The following TNRC18 variants were observed in gnomAD, a reference collection of about 807,000 sequenced individuals.
The protein encoded by TNRC18 is trinucleotide repeat containing 18.
A neutral mutation model predicts 226.7 loss-of-function variants in TNRC18; 69 were observed. That is an observed-to-expected ratio of 0.30 (90% CI 0.25 to 0.37). The LOEUF (loss-of-function observed/expected upper bound fraction) is 0.37. Among genes scored for constraint, TNRC18 ranks in the 10% least tolerant of loss-of-function variants. The probability of loss-of-function intolerance (pLI) is 1.00; values close to 1 mark genes in which losing one functional copy is unlikely to be tolerated. For synonymous variants in TNRC18, 2,449 were observed against 1,927.6 expected, an observed-to-expected ratio of 1.27 and a Z score of -7.09; for missense variants, 4,754 against 4,256.6, an observed-to-expected ratio of 1.12 and a Z score of -3.25.
At chr7:5,348,128 C>T (rs1791396538) in intron 17 of TNRC18, among the ~76,000 whole-genome samples, 1 of 152,174 alleles carries the variant, frequency 6.6e-6, no homozygotes, top group Admixed American at 6.5e-5. Context: ...AGACAGGAGG[C>T]TCCCTGCACA....
chr7:5,362,737 G>A lies in TNRC18; in HGVS notation c.4308C>T (p.Pro1436=), dbSNP rs370362251. ...GCAGGTTCTTGAGTGGGTCCACCAC[G>A]GGCCCATCCAGCACCTCCCTCAGCA... The part of the protein sequence containing the change: ...SHMLREVLDG[P]VVDPLKNLRL... Residue 1436 remains proline, a synonymous_variant, in exon 12 of 30, where the codon CCC becomes CCT. Coordinates refer to ENST00000430969, the MANE Select transcript of TNRC18 (RefSeq NM_001080495.3). 4.4e-5 allele frequency: 69 copies of A among 1,573,244 alleles called. 1 individual carries two copies. In the South Asian group the frequency reaches 4.8e-4, roughly 11 times the overall value.
At chr7:5,417,733 T>C (rs1322187750) in intron 2 of TNRC18, among the ~76,000 whole-genome samples, 3 of 152,170 alleles carry the variant, frequency 2.0e-5, no homozygotes, top group Non-Finnish European at 2.9e-5. Context: ...CCCCACCAAG[T>C]GGCCCTTCCA....
chr7:5,347,723 A>G (rs975398327), intron 17 of TNRC18, among the ~76,000 whole-genome samples: 5 of 151,584 alleles, frequency 3.3e-5, no homozygotes, highest in African/African-American at 9.7e-5. Flanking sequence ...TTGGGAGGCC[A>G]AGGCATGTGG....
intron 21 of TNRC18, among the ~76,000 whole-genome samples, chr7:5,323,261 C>T (rs886638596): frequency 2.6e-5 from 4 of 152,200 alleles, no homozygotes; most frequent in African/African-American, 4.8e-5. Flanking sequence ...CCAGCCTGGG[C>T]GTGACTTCCC....
At chr7:5,359,786 GAAGA>G (rs1792839832) in intron 14 of TNRC18, among the ~76,000 whole-genome samples, 1 of 152,082 alleles carries the variant, frequency 6.6e-6, no homozygotes, top group Admixed American at 6.6e-5. Context: ...GTGAAAGAAG[GAAGA>G]AAGCATTTTC....
intron 2 of TNRC18, among the ~76,000 whole-genome samples, chr7:5,399,846 G>A (rs937176211): frequency 2.0e-4 from 31 of 151,706 alleles, no homozygotes; most frequent in African/African-American, 7.0e-4. Flanking sequence ...CCAACATGGC[G>A]AAAACCACCC....
At chr7:5,311,037 T>C (rs34022406) in intron 27 of TNRC18, among the ~76,000 whole-genome samples, 2,334 of 152,368 alleles carry the variant, frequency 0.015, 30 homozygotes, top group South Asian at 0.025. Context: ...CGTGTGCAAG[T>C]GTGCATTTGT....
chr7:5,377,157 A>G lies in TNRC18; in HGVS notation c.2462-164T>C, dbSNP rs1251067552. 1.3e-5 allele frequency among the ~76,000 whole-genome samples: 2 copies of G among 152,180 alleles called. No homozygotes were observed. The highest frequency in any genetic ancestry group is 2.9e-5 in the Non-Finnish European group (2 of 68,018). On this transcript the variant is annotated intron_variant, in intron 7 of 29. Coordinates refer to ENST00000430969, the MANE Select transcript of TNRC18 (RefSeq NM_001080495.3). The surrounding 1 kb of genome is among the most constrained non-coding windows in gnomAD (Gnocchi z 5.8). ...TGGCTGGCTGCAAAGAGCACCCCAGAGCCACCCGCATTGGGCATCTGCCCC... is the reference window on the plus strand; with the variant it reads ...TGGCTGGCTGCAAAGAGCACCCCAGGGCCACCCGCATTGGGCATCTGCCCC...
At chr7:5,390,417 C>T in intron 4 of TNRC18, 68 bp downstream of exon 4, 1 of 1,551,268 alleles carries the variant, frequency 6.4e-7, no homozygotes, top group Non-Finnish European at 8.9e-7. Flanking sequence ...TACCTGGATG[C>T]TGCCAAAGGC....
At chr7:5,359,649 G>T in intron 14 of TNRC18, 80 bp from the exon 15 acceptor site, 2 of 1,571,434 alleles carry the variant, frequency 1.3e-6, no homozygotes, top group South Asian at 2.2e-5. Flanking sequence ...TGGCCCTGAA[G>T]GGTTGGGCTC....
At chr7:5,314,382 C>T (rs1583735615) in intron 26 of TNRC18, among the ~76,000 whole-genome samples, 1 of 152,026 alleles carries the variant, frequency 6.6e-6, no homozygotes, top group South Asian at 2.1e-4. Context: ...GTGTTGGCCC[C>T]AAAGCGGGTC....
At chr7:5,402,178 CAAAAAAAAAAAA>C (rs35794476) in intron 2 of TNRC18, among the ~76,000 whole-genome samples, 2 of 71,336 alleles carry the variant, frequency 2.8e-5, no homozygotes, top group Non-Finnish European at 5.1e-5. Flanking sequence ...GACTCTGTCT[CAAAAAAAAAAAA>C]AAAAAAAAAA....
At chr7:5,405,116 CA>C (rs61065130) in intron 2 of TNRC18, among the ~76,000 whole-genome samples, 66,409 of 144,786 alleles carry the variant, frequency 0.46, 15,640 homozygotes, top group African/African-American at 0.61. Context: ...GACTTCGTCT[CA>C]AAAAAAAAAA....
intron 5 of TNRC18, among the ~76,000 whole-genome samples, chr7:5,385,494 C>CAA (rs60919833): frequency 0.013 from 1,170 of 87,538 alleles, 18 homozygotes; most frequent in Non-Finnish European, 0.017. Context: ...GACTCCGTCT[C>CAA]AAAAAAAAAA....
chr7:5,361,511 C>T, intron 14 of TNRC18, 83 bp downstream of exon 14: 3 of 1,409,832 alleles, frequency 2.1e-6, no homozygotes, highest in South Asian at 1.5e-5. Context: ...CCCCCAGCAC[C>T]CCGAGGCAGG....
At chr7:5,416,881 C>T (rs1327833709) in intron 2 of TNRC18, among the ~76,000 whole-genome samples, 1 of 152,056 alleles carries the variant, frequency 6.6e-6, no homozygotes, top group East Asian at 1.9e-4. Flanking sequence ...GTCCTAGCTA[C>T]TCAAGATGCC....
In TNRC18 at chr7:5,374,125, C is replaced by G; in HGVS notation, c.3159G>C (p.Glu1053Asp). Residue 1053 changes from glutamate to aspartate, a missense_variant, in exon 10 of 30, where the codon GAG becomes GAC. Glu to Asp is a conservative substitution (Grantham distance 45, BLOSUM62 2). Transcript: ENST00000430969. ...CCAAGTCTTTCTTCTCGACCACATT[C>G]TCGGGAGCCTCCTCCTTGCGGGTGA... ...PGITRKEEAP[E>D]NVVEKKDLEL... The G allele has an allele frequency of 6.7e-7, 1 of 1,489,822 alleles. No homozygotes were observed. The highest frequency in any genetic ancestry group is 1.5e-5 in the African/African-American group (1 of 67,174). The allele number at this position is 1,489,822 out of a possible 1,614,324, so 92.3% of individuals were successfully genotyped here.
At position 5,377,790 on chromosome 7, in the gene TNRC18, A is replaced by T; in HGVS notation, c.2255+132T>A. 1 of 1,019,314 alleles carries T rather than the reference A, an allele frequency of 9.8e-7. No individual in the cohort carries two copies. The highest frequency in any genetic ancestry group is 1.6e-5 in the South Asian group (1 of 64,012). The allele number at this position is 1,019,314 out of a possible 1,614,324, so 63.1% of individuals were successfully genotyped here. ...GGGCTGGCCCGATGCTGAGGACCAG[A>T]GTGACTCCCGCTCTCAGTACCATAG... On this transcript the variant is annotated intron_variant, in intron 6 of 29. Coordinates refer to ENST00000430969, the MANE Select transcript of TNRC18 (RefSeq NM_001080495.3). This position sits in a 1 kb window ranked among gnomAD's most constrained non-coding sequence, Gnocchi z 5.8.
intron 24 of TNRC18, among the ~76,000 whole-genome samples, chr7:5,319,533 T>A (rs538061549): frequency 6.6e-6 from 1 of 152,122 alleles, no homozygotes; most frequent in Non-Finnish European, 1.5e-5. Flanking sequence ...TTTTGAGACG[T>A]AGTCTCACTC....
Sources: allele counts gnomAD v4.1 joint callset (sites outside exome capture counted in the v4.1 genomes callset), GRCh38; gene constraint gnomAD v4.1.1; non-coding constraint Gnocchi (gnomAD v3.1); transcripts MANE v1.5; gene names NCBI Gene and HGNC (gene_info 2026-07-23, HGNC 2026-07-21).